RSU1: variants seen among roughly 807,000 people sequenced by gnomAD.
RSU1 encodes the protein rsu-1.
Under a neutral mutation model 31.1 loss-of-function variants are expected in RSU1, and 26 were observed. That is an observed-to-expected ratio of 0.84 (90% CI 0.61 to 1.16). The LOEUF (loss-of-function observed/expected upper bound fraction) is 1.16. RSU1 is among the 50% of genes most tolerant of loss of function. The pLI, the probability that RSU1 is intolerant of heterozygous loss-of-function variation, is 0.00. For synonymous variants in RSU1, 164 were observed against 136.3 expected (o/e 1.20, Z -1.41); for missense variants, 320 against 339.1 (o/e 0.94, Z 0.44).
At position 16,615,535 on chromosome 10, in the gene RSU1, T is replaced by C. The variant is rs566157301; in HGVS notation, c.732-22039A>G. Among the ~76,000 whole-genome samples, 9 of 152,326 alleles carry C rather than the reference T, an allele frequency of 5.9e-5. No homozygotes were observed. In the East Asian group the frequency reaches 1.7e-3, roughly 29 times the overall value. ...AACTCAGCTCTGGATTAAGTGCACC[T>C]AATAGACATCTACAGAACTCTTCAC... On this transcript the variant is annotated intron_variant, in intron 8 of 8. Coordinates refer to ENST00000345264, the MANE Select transcript of RSU1 (RefSeq NM_012425.4).
chr10:16,603,432 T>C (rs1424967272), intron 8 of RSU1, among the ~76,000 whole-genome samples: 2 of 152,194 alleles, frequency 1.3e-5, no homozygotes, highest in African/African-American at 4.8e-5. Context: ...TTTTACTTAA[T>C]AAAAATTCCC....
intron 2 of RSU1, among the ~76,000 whole-genome samples, chr10:16,814,554 G>A (rs1386881291): frequency 3.3e-5 from 5 of 152,014 alleles, no homozygotes; most frequent in Admixed American, 6.6e-5. Context: ...GTCAGTGTGT[G>A]TGCACTGCTG....
intron 7 of RSU1, chr10:16,727,036 G>C (rs889324011): frequency 2.2e-6 from 1 of 456,246 alleles, no homozygotes. Flanking sequence ...CTTACCTGAA[G>C]TTAATGAGGG....
chr10:16,705,332 A>T (rs572455960), intron 7 of RSU1, among the ~76,000 whole-genome samples: 1 of 152,306 alleles, frequency 6.6e-6, no homozygotes. Flanking sequence ...AAAATAGTGT[A>T]AATTTTCATA....
chr10:16,670,619 C>T (rs1835088101), intron 8 of RSU1, among the ~76,000 whole-genome samples: 1 of 152,152 alleles, frequency 6.6e-6, no homozygotes, highest in Non-Finnish European at 1.5e-5. Flanking sequence ...AAGACATTCT[C>T]AATTAGATAT....
At chr10:16,669,683 G>A (rs896144181) in intron 8 of RSU1, among the ~76,000 whole-genome samples, 7 of 152,084 alleles carry the variant, frequency 4.6e-5, no homozygotes, top group African/African-American at 1.4e-4. Flanking sequence ...GTGGTGTTTG[G>A]TTTTCTGTTC....
chr10:16,667,729 C>G (rs1250046085), intron 8 of RSU1, among the ~76,000 whole-genome samples: 1 of 152,192 alleles, frequency 6.6e-6, no homozygotes, highest in Non-Finnish European at 1.5e-5. Context: ...CTCAGGTGAT[C>G]TGCCCACCTT....
At chr10:16,764,365 T>C in intron 4 of RSU1, 25 bp downstream of exon 4, 1 of 1,600,174 alleles carries the variant, frequency 6.2e-7, no homozygotes, top group Non-Finnish European at 8.5e-7. Context: ...TTCCTCTCCA[T>C]CCTTTCCGCT....
At chr10:16,744,094 C>T (rs962265170) in intron 7 of RSU1, among the ~76,000 whole-genome samples, 5 of 146,326 alleles carry the variant, frequency 3.4e-5, no homozygotes, top group African/African-American at 1.3e-4. Context: ...CATGCCACTG[C>T]AAGCCAGTCT....
At chr10:16,806,571 G>A (rs1013744893) in intron 2 of RSU1, among the ~76,000 whole-genome samples, 7 of 152,184 alleles carry the variant, frequency 4.6e-5, no homozygotes, top group African/African-American at 1.4e-4. Context: ...TGCCTGGTAT[G>A]TGGTAAATGT....
At chr10:16,607,172 T>C (rs536976637) in intron 8 of RSU1, among the ~76,000 whole-genome samples, 1 of 152,306 alleles carries the variant, frequency 6.6e-6, no homozygotes, top group African/African-American at 2.4e-5. Context: ...ATTGACGCCC[T>C]TGTGCTCTTT....
At chr10:16,796,385 C>T (rs1283237380) in intron 2 of RSU1, among the ~76,000 whole-genome samples, 2 of 152,090 alleles carry the variant, frequency 1.3e-5, no homozygotes, top group Admixed American at 6.6e-5. Context: ...TGTGATGTCT[C>T]TTCTCCCAGT....
At chr10:16,777,889 G>A (rs1009385711) in intron 3 of RSU1, among the ~76,000 whole-genome samples, 1 of 152,104 alleles carries the variant, frequency 6.6e-6, no homozygotes, top group Non-Finnish European at 1.5e-5. Flanking sequence ...CATCTGAGCG[G>A]TCATGAAAAC....
intron 7 of RSU1, among the ~76,000 whole-genome samples, chr10:16,746,943 G>A (rs3740170): frequency 0.051 from 7,782 of 152,182 alleles, 238 homozygotes; most frequent in Middle Eastern, 0.071. Context: ...TTTCAATTAT[G>A]TGCATTCCAC....
At chr10:16,747,674 C>T (rs1836882910) in intron 7 of RSU1, among the ~76,000 whole-genome samples, 1 of 152,182 alleles carries the variant, frequency 6.6e-6, no homozygotes, top group African/African-American at 2.4e-5. Flanking sequence ...TCAGACTCTC[C>T]ACTTCCACCC....
Position 16,736,480 on chromosome 10 carries a change from C to G in RSU1, c.598+16059G>C, listed in dbSNP as rs928185306. Among the ~76,000 whole-genome samples the G allele has an allele frequency of 4.6e-5, 7 of 152,238 alleles. No individual in the cohort carries two copies. The East Asian group carries it at 1.2e-3, about 25-fold the overall frequency. ...AAAGACTAGTAAGGACCAAGTCTAA[C>G]AGGCATTAAAAACCAGCCCTGAAAG... On this transcript the variant is annotated intron_variant, in intron 7 of 8. Transcript: ENST00000345264.
rs531795611 is a variant in RSU1, at chr10:16,603,447, C to T, written c.732-9951G>A. 1.1e-4 allele frequency among the ~76,000 whole-genome samples: 16 copies of T among 152,276 alleles called. No individual in the cohort carries two copies. The South Asian group carries it at 1.5e-3, about 14-fold the overall frequency. On this transcript the variant is annotated intron_variant, in intron 8 of 8. Coordinates refer to ENST00000345264, the MANE Select transcript of RSU1 (RefSeq NM_012425.4). Reference sequence around the variant, plus strand: ...TTTTACTTAATAAAAATTCCCGGAGCAGATGCAAGGATATTAGGTAAGGTC... The same window carrying T: ...TTTTACTTAATAAAAATTCCCGGAGTAGATGCAAGGATATTAGGTAAGGTC...
At chr10:16,690,095 A>C (rs1835515107) in intron 8 of RSU1, among the ~76,000 whole-genome samples, 1 of 152,188 alleles carries the variant, frequency 6.6e-6, no homozygotes, top group Admixed American at 6.5e-5. Flanking sequence ...CCCCTTTCAC[A>C]AAGAATCTTG....
intron 7 of RSU1, among the ~76,000 whole-genome samples, chr10:16,739,919 C>A (rs1041403458): frequency 2.6e-5 from 4 of 152,018 alleles, no homozygotes; most frequent in Non-Finnish European, 5.9e-5. Context: ...CCAAAATGTA[C>A]ATTTTTAAGA....
Sources: gnomAD v4.1 joint callset for allele counts (sites outside exome capture counted in the v4.1 genomes callset) on GRCh38, gnomAD v4.1.1 for gene constraint, MANE v1.5 for transcripts, NCBI Gene and HGNC (gene_info 2026-07-23, HGNC 2026-07-21) for gene names.